PIK3C2B: variants seen among roughly 807,000 people sequenced by gnomAD.
PIK3C2B encodes the protein phosphatidylinositol-4-phosphate 3-kinase catalytic subunit type 2 beta.
A neutral mutation model predicts 184.3 loss-of-function variants in PIK3C2B; 83 were observed. The ratio of observed to expected loss-of-function variants is 0.45; its 90% CI spans 0.38 to 0.54. PIK3C2B has a LOEUF of 0.54. Ranked by LOEUF, PIK3C2B falls within the 20% of genes least tolerant of loss-of-function variation. PIK3C2B has a pLI of 0.00. For missense variants in PIK3C2B, 1,736 were observed against 2,113.5 expected (o/e 0.82, Z 3.50); for synonymous variants, 779 against 837.6 (o/e 0.93, Z 1.21).
chr1:204,438,805 A>G, intron 23 of PIK3C2B, 130 bp downstream of exon 23: 2 of 957,530 alleles, frequency 2.1e-6, no homozygotes, highest in South Asian at 1.8e-5. Context: ...TCAACCAAGA[A>G]AGGGTAGGTC....
intron 1 of PIK3C2B, among the ~76,000 whole-genome samples, chr1:204,477,900 G>A (rs924263492): frequency 6.6e-6 from 1 of 152,214 alleles, no homozygotes; most frequent in Admixed American, 6.5e-5. Context: ...AAAGGTGGCA[G>A]ACACATACAT....
rs1382490066 is a variant in PIK3C2B, at chr1:204,446,629, AGCTGTCG to A, written c.2490-492_2490-486del. ...AGGCCTCCTGGGGCCTCCAGGGACC[AGCTGTCG>A]GCTTTCAAGGACCTGCAGCTAATTG... On this transcript the variant is annotated intron_variant, in intron 15 of 32. Transcript: ENST00000684373. Among the ~76,000 whole-genome samples, 5 of 152,326 alleles carry A rather than the reference AGCTGTCG, an allele frequency of 3.3e-5. No homozygotes were observed. In the East Asian group the frequency reaches 9.7e-4, roughly 29 times the overall value.
intron 1 of PIK3C2B, among the ~76,000 whole-genome samples, chr1:204,485,821 C>G (rs1657539074): frequency 6.6e-6 from 1 of 151,978 alleles, no homozygotes; most frequent in South Asian, 2.1e-4. Flanking sequence ...TCTGCCTGCC[C>G]CGGCCTCCCA....
chr1:204,454,539 G>T, intron 12 of PIK3C2B, 130 bp downstream of exon 12: 337 of 621,698 alleles, frequency 5.4e-4, no homozygotes, highest in Middle Eastern at 1.1e-3. Flanking sequence ...TGAATGACTT[G>T]TCCAGTTAGG....
chr1:204,478,577 C>T (rs1005067657), intron 1 of PIK3C2B, among the ~76,000 whole-genome samples: 2 of 152,182 alleles, frequency 1.3e-5, no homozygotes, highest in Admixed American at 6.5e-5. Flanking sequence ...CTCTAGTGTG[C>T]GTGCCCTCTG....
Position 204,430,007 on chromosome 1 carries a change from G to A in PIK3C2B, c.4312C>T (p.Arg1438Trp), listed in dbSNP as rs149591225. 1.7e-4 allele frequency: 275 copies of A among 1,610,652 alleles called. No homozygotes were observed. Among genetic ancestry groups the A allele is most frequent in the Non-Finnish European group, 2.2e-4 (263 of 1,179,872 alleles). ...CGCCGCTCGGCCACCGCCTCTCCCC[G>A]GGAGCGGCCGATCACGAAGCGACTA... ...FPSRFVIGRS[R>W]GEAVAERRRE... The change falls in exon 29 of 33, where the codon CGG becomes TGG. Residue 1438 changes from arginine to tryptophan, a missense_variant. Coordinates refer to ENST00000684373, the MANE Select transcript of PIK3C2B (RefSeq NM_001377334.1).
At chr1:204,449,106 C>G in intron 14 of PIK3C2B, 79 bp downstream of exon 14, 1 of 1,020,742 alleles carries the variant, frequency 9.8e-7, no homozygotes, top group Admixed American at 2.0e-5. Flanking sequence ...GCTGTCCCAG[C>G]CCAAATCTCC....
chr1:204,433,762 A>G lies in PIK3C2B; in HGVS notation c.3843+31T>C. ...AAAGATGATGCCAGATAATAAGAAG[A>G]AGGTATTCGGAAAGGGATGGAGCTC... On this transcript the variant is annotated intron_variant, in intron 25 of 32. Transcript: ENST00000684373. The surrounding 1 kb of genome is among the most constrained non-coding windows in gnomAD (Gnocchi z 5.0). The G allele has an allele frequency of 6.3e-7, 1 of 1,598,108 alleles. No homozygotes were observed. The highest frequency in any genetic ancestry group is 1.1e-5 in the South Asian group (1 of 90,684).
intron 1 of PIK3C2B, among the ~76,000 whole-genome samples, chr1:204,479,636 CT>C (rs1184601819): frequency 6.6e-6 from 1 of 152,240 alleles, no homozygotes; most frequent in Non-Finnish European, 1.5e-5. Context: ...CAGTAGCTCT[CT>C]TTAGGCCTGG....
At chr1:204,493,920 T>C (rs114700734) in intron 1 of PIK3C2B, among the ~76,000 whole-genome samples, 241 of 152,332 alleles carry the variant, frequency 1.6e-3, no homozygotes, top group African/African-American at 5.6e-3. Context: ...TTCCCCAGGC[T>C]AGATGCCGAC....
chr1:204,490,414 G>C (rs1490849776), intron 1 of PIK3C2B: 2 of 153,006 alleles, frequency 1.3e-5, no homozygotes, highest in African/African-American at 4.8e-5. Flanking sequence ...GTGTTTTGGG[G>C]AAGTAAATTT....
chr1:204,456,892 A>ACACACC, intron 10 of PIK3C2B, 145 bp downstream of exon 10: 1 of 550,332 alleles, frequency 1.8e-6, no homozygotes, highest in South Asian at 2.2e-5. Context: ...ACACACACAC[A>ACACACC]CACACACACA....
At position 204,475,282 on chromosome 1, in the gene PIK3C2B, G is replaced by A. The variant is rs528961059; in HGVS notation, c.-84-5396C>T. On this transcript the variant is annotated intron_variant, in intron 1 of 32. Transcript: ENST00000684373. The stretch of plus-strand genomic sequence containing the variant: ...TCATGACCACGTATGTGATACCTCC[G>A]TGACTTGGTTCAAATTGTTCCAATT... Among the ~76,000 whole-genome samples, 41 of 152,200 alleles carry A rather than the reference G, an allele frequency of 2.7e-4. No individual in the cohort carries two copies. The South Asian group carries it at 6.2e-3, about 23-fold the overall frequency.
chr1:204,423,431 G>C lies in PIK3C2B; in HGVS notation c.*1421C>G. 1 of 149,730 alleles carries C rather than the reference G, an allele frequency of 6.7e-6. No homozygotes were observed. Among genetic ancestry groups the C allele is most frequent in the Non-Finnish European group, 1.5e-5 (1 of 67,890 alleles). The allele number at this position is 149,730 out of a possible 1,614,324, so 9.3% of individuals were successfully genotyped here. On this transcript the variant is annotated 3_prime_UTR_variant, in exon 33 of 33. Transcript: ENST00000684373. The stretch of plus-strand genomic sequence containing the variant: ...CCACTACACTCCAGCCTGGCGACAG[G>C]GCGAGACTCCGTCTCCAAAAAAAAA...
chr1:204,477,806 C>A (rs778703827), intron 1 of PIK3C2B, among the ~76,000 whole-genome samples: 8 of 152,200 alleles, frequency 5.3e-5, no homozygotes, highest in Non-Finnish European at 8.8e-5. Flanking sequence ...GTACCAGCTA[C>A]ATGCCAGGCC....
chr1:204,446,843 A>T (rs1406741400), intron 15 of PIK3C2B, among the ~76,000 whole-genome samples: 2 of 152,148 alleles, frequency 1.3e-5, no homozygotes, highest in African/African-American at 2.4e-5. Context: ...ACACACGCAC[A>T]GGGCTGCGCA....
intron 31 of PIK3C2B, among the ~76,000 whole-genome samples, chr1:204,426,813 C>G (rs917147518): frequency 6.6e-6 from 1 of 152,146 alleles, no homozygotes; most frequent in Non-Finnish European, 1.5e-5. Flanking sequence ...AAATGCCTAA[C>G]ATAGGATGCA....
Position 204,443,529 on chromosome 1 carries a change from A to C in PIK3C2B, c.2936T>G (p.Leu979Arg). Residue 979 changes from leucine (L) to arginine (R), a missense_variant, in exon 19 of 33, where the codon CTG (leucine) becomes CGG (arginine). By Grantham distance (102) the Leu-to-Arg change is moderately radical. Coordinates refer to ENST00000684373, the MANE Select transcript of PIK3C2B (RefSeq NM_001377334.1). ...TCTCAGCCCCTTGCCACAGCAGCAC[A>C]GTAAGGCTGCCAGCAGATACTGGTA... The part of the protein sequence containing the change: ...IRYQYLLAAL[L>R]CCCGKGLREE... 1 of 1,614,178 alleles carries C rather than the reference A, an allele frequency of 6.2e-7. No homozygotes were observed. Among genetic ancestry groups the C allele is most frequent in the Non-Finnish European group, 8.5e-7 (1 of 1,179,996 alleles).
chr1:204,465,874 T>C (rs182318928), intron 2 of PIK3C2B, among the ~76,000 whole-genome samples: 4 of 152,278 alleles, frequency 2.6e-5, no homozygotes, highest in Admixed American at 6.5e-5. Flanking sequence ...TCTGGGTAAA[T>C]GCTATTTGAG....
Sources: gnomAD v4.1 joint callset for allele counts (sites outside exome capture counted in the v4.1 genomes callset) on GRCh38, gnomAD v4.1.1 for gene constraint, Gnocchi (gnomAD v3.1) non-coding constraint, MANE v1.5 for transcripts, NCBI Gene and HGNC (gene_info 2026-07-23, HGNC 2026-07-21) for gene names.